Variants in LARGE1 observed in about 807,000 individuals in gnomAD.
The protein encoded by LARGE1 is LARGE xylosyl- and glucuronyltransferase 1.
In LARGE1, 43 loss-of-function variants were observed where a neutral mutation model predicts 87.6. The observed-to-expected ratio is 0.49, with a 90% CI of 0.38 to 0.63. The LOEUF (loss-of-function observed/expected upper bound fraction) is 0.63. LARGE1 is among the 30% of genes least tolerant of loss of function. The pLI is 0.00. For missense variants in LARGE1, 802 were observed against 1,000.2 expected (o/e 0.80, Z 2.67); for synonymous variants, 434 against 394.6 (o/e 1.10, Z -1.18).
chr22:33,120,358 T>TTTCC, the LARGE1 span, among the ~76,000 whole-genome samples: 1 of 118,686 alleles, frequency 8.4e-6, no homozygotes, highest in Non-Finnish European at 1.7e-5. Flanking sequence ...TTTTCTTTCT[T>TTTCC]TTTCTTTCTT....
downstream of LARGE1, among the ~76,000 whole-genome samples, chr22:33,271,372 C>T (rs760780688): frequency 2.0e-5 from 3 of 152,190 alleles, no homozygotes; most frequent in African/African-American, 7.2e-5. Flanking sequence ...ACACAGAATG[C>T]ATTCAGGTTC....
intron 6 of LARGE1, among the ~76,000 whole-genome samples, chr22:33,538,431 C>A (rs2077098867): frequency 6.6e-6 from 1 of 152,162 alleles, no homozygotes; most frequent in African/African-American, 2.4e-5. Flanking sequence ...ACATAGTAGG[C>A]ATATTTCCAT....
intron 7 of LARGE1, among the ~76,000 whole-genome samples, chr22:33,426,366 C>T (rs1240318708): frequency 6.6e-6 from 1 of 152,116 alleles, no homozygotes; most frequent in Non-Finnish European, 1.5e-5. Context: ...AATATAGCTT[C>T]TCTGGATGCA....
chr22:33,820,466 C>T (rs923459503), intron 1 of LARGE1, among the ~76,000 whole-genome samples: 16 of 151,864 alleles, frequency 1.1e-4, no homozygotes, highest in African/African-American at 2.2e-4. Flanking sequence ...GGACTACAAG[C>T]GCATGCCACC....
intron 7 of LARGE1, among the ~76,000 whole-genome samples, chr22:33,406,896 G>A (rs1030770651): frequency 1.3e-5 from 2 of 151,974 alleles, no homozygotes; most frequent in Non-Finnish European, 2.9e-5. Context: ...AGGTTCAGGC[G>A]ATTCTCCTGC....
chr22:33,091,186 T>A, the LARGE1 span, among the ~76,000 whole-genome samples: 6 of 152,192 alleles, frequency 3.9e-5, no homozygotes, highest in African/African-American at 1.4e-4. Flanking sequence ...ATCTCTCTCC[T>A]CTGACTCTGC....
intron 2 of LARGE1, among the ~76,000 whole-genome samples, chr22:33,677,867 T>C (rs910867395): frequency 6.6e-5 from 10 of 152,282 alleles, no homozygotes; most frequent in Non-Finnish European, 1.2e-4. Context: ...ACAATCTTAG[T>C]CCAGTTATGG....
At chr22:33,390,615 C>T (rs1330951213) in intron 7 of LARGE1, among the ~76,000 whole-genome samples, 4 of 151,930 alleles carry the variant, frequency 2.6e-5, no homozygotes, top group African/African-American at 7.3e-5. Flanking sequence ...GGCTCCCAGA[C>T]ACCACAGCTG....
intron 2 of LARGE1, among the ~76,000 whole-genome samples, chr22:33,659,600 C>T (rs993489499): frequency 2.6e-5 from 4 of 152,024 alleles, no homozygotes; most frequent in Admixed American, 6.5e-5. Flanking sequence ...AAAGGCTGCT[C>T]GCTTTTTATG....
chr22:33,120,378 C>CTT, the LARGE1 span, among the ~76,000 whole-genome samples: 1 of 91,998 alleles, frequency 1.1e-5, no homozygotes, highest in Non-Finnish European at 2.1e-5. Context: ...TTCTTTCTTT[C>CTT]TTTCTTTCTT....
At chr22:33,741,998 G>T (rs2083902641) in intron 2 of LARGE1, among the ~76,000 whole-genome samples, 1 of 152,132 alleles carries the variant, frequency 6.6e-6, no homozygotes, top group Non-Finnish European at 1.5e-5. Context: ...TCACCAACCG[G>T]CTGTGTTTCT....
chr22:33,779,474 C>T (rs1323874229), intron 1 of LARGE1, among the ~76,000 whole-genome samples: 1 of 152,116 alleles, frequency 6.6e-6, no homozygotes, highest in Non-Finnish European at 1.5e-5. Context: ...TTCCTAGCGA[C>T]AGTTTGATCA....
chr22:33,915,981 T>C (rs902484907), intron 1 of LARGE1, among the ~76,000 whole-genome samples: 2 of 152,038 alleles, frequency 1.3e-5, no homozygotes, highest in African/African-American at 4.8e-5. Context: ...ACTTACCTGG[T>C]AATAATAGTT....
chr22:33,883,822 C>T (rs2064768410), intron 1 of LARGE1, among the ~76,000 whole-genome samples: 1 of 152,204 alleles, frequency 6.6e-6, no homozygotes, highest in African/African-American at 2.4e-5. Flanking sequence ...AAACCGCAAA[C>T]CCTAACCCAC....
the LARGE1 span, among the ~76,000 whole-genome samples, chr22:33,087,950 C>G: frequency 6.6e-6 from 1 of 152,016 alleles, no homozygotes; most frequent in Non-Finnish European, 1.5e-5. Context: ...CTAAAATAAA[C>G]TAAAATAAAA....
intron 5 of LARGE1, among the ~76,000 whole-genome samples, chr22:33,570,181 A>G (rs997313109): frequency 6.6e-6 from 1 of 152,164 alleles, no homozygotes; most frequent in Non-Finnish European, 1.5e-5. Flanking sequence ...TATTCACAGG[A>G]GAAGGCACAG....
At chr22:33,602,994 G>C (rs1198407952) in intron 5 of LARGE1, among the ~76,000 whole-genome samples, 3 of 152,232 alleles carry the variant, frequency 2.0e-5, no homozygotes, top group African/African-American at 7.2e-5. Flanking sequence ...CTGGGAGACA[G>C]AGTGGCTTGC....
At chr22:33,900,100 C>G (rs2065244516) in intron 1 of LARGE1, among the ~76,000 whole-genome samples, 1 of 152,114 alleles carries the variant, frequency 6.6e-6, no homozygotes, top group Admixed American at 6.5e-5. Context: ...GAAAACAAAC[C>G]AAAAAACCAG....
intron 3 of LARGE1, among the ~76,000 whole-genome samples, chr22:33,645,673 A>G (rs1055353245): frequency 9.9e-5 from 15 of 152,218 alleles, no homozygotes; most frequent in African/African-American, 3.6e-4. Context: ...AGAATGGGAG[A>G]AAATTTTTGC....
Sources: gnomAD v4.1 joint callset for allele counts (sites outside exome capture counted in the v4.1 genomes callset) on GRCh38, gnomAD v4.1.1 for gene constraint, MANE v1.5 for transcripts, NCBI Gene and HGNC (gene_info 2026-07-23, HGNC 2026-07-21) for gene names.